The following LRRC7 variants were observed in gnomAD, a reference collection of about 807,000 sequenced individuals.
The protein encoded by LRRC7 is leucine-rich repeat-containing protein 7.
LRRC7 carries 23 observed loss-of-function variants against 175.7 expected under a neutral mutation model. The observed-to-expected ratio is 0.13, with a 90% CI of 0.09 to 0.19. The LOEUF (loss-of-function observed/expected upper bound fraction) is 0.19, where lower values mean the gene tolerates loss of function less well. Among genes scored for constraint, LRRC7 ranks in the 10% least tolerant of loss-of-function variants. The probability of loss-of-function intolerance (pLI) is 1.00; values close to 1 mark genes in which losing one functional copy is unlikely to be tolerated. For missense variants in LRRC7, 1,354 were observed against 1,904.7 expected, an observed-to-expected ratio of 0.71 and a Z score of 5.38; for synonymous variants, 685 against 680.9, an observed-to-expected ratio of 1.01 and a Z score of -0.09.
At chr1:69,786,730 C>G (rs1273438980) in intron 3 of LRRC7, among the ~76,000 whole-genome samples, 3 of 152,130 alleles carry the variant, frequency 2.0e-5, no homozygotes, top group Non-Finnish European at 1.5e-5. Flanking sequence ...ACAGGAAAGA[C>G]TATGATTTAA....
intron 8 of LRRC7, among the ~76,000 whole-genome samples, chr1:69,980,133 T>A (rs1394093439): frequency 2.6e-5 from 4 of 152,018 alleles, no homozygotes; most frequent in Non-Finnish European, 4.4e-5. Context: ...TCAGGGAGAA[T>A]GTATGTGAGT....
At chr1:70,040,609 G>A (rs1168649445) in intron 21 of LRRC7, among the ~76,000 whole-genome samples, 1 of 152,042 alleles carries the variant, frequency 6.6e-6, no homozygotes, top group African/African-American at 2.4e-5. Flanking sequence ...TCAGGAACTC[G>A]AGACCAGCCT....
At chr1:69,943,516 T>G (rs1648957181) in intron 8 of LRRC7, among the ~76,000 whole-genome samples, 1 of 152,054 alleles carries the variant, frequency 6.6e-6, no homozygotes, top group Non-Finnish European at 1.5e-5. Flanking sequence ...TAGATAGTGG[T>G]GATGGTTGAC....
intron 2 of LRRC7, among the ~76,000 whole-genome samples, chr1:69,690,614 C>T (rs541483654): frequency 2.8e-4 from 42 of 152,298 alleles, no homozygotes; most frequent in Middle Eastern, 6.8e-3. Flanking sequence ...TGCCTCTCCT[C>T]CTCTTCTTGG....
At chr1:70,070,879 A>G (rs61784282) in intron 23 of LRRC7, among the ~76,000 whole-genome samples, 14,277 of 152,214 alleles carry the variant, frequency 0.094, 859 homozygotes, top group South Asian at 0.18. Context: ...TGGAAGTCCA[A>G]GCTCCTTGTG....
intron 2 of LRRC7, among the ~76,000 whole-genome samples, chr1:69,718,661 G>A (rs1472607376): frequency 6.6e-6 from 1 of 151,748 alleles, no homozygotes; most frequent in Non-Finnish European, 1.5e-5. Context: ...GAACTTTTAG[G>A]ATCATCAATA....
At chr1:69,679,298 G>A (rs1169351223) in intron 2 of LRRC7, among the ~76,000 whole-genome samples, 5 of 152,132 alleles carry the variant, frequency 3.3e-5, no homozygotes, top group Admixed American at 6.6e-5. Context: ...CATTTTACAA[G>A]GATAAAGCTA....
At chr1:69,789,243 T>G (rs913268471) in intron 3 of LRRC7, among the ~76,000 whole-genome samples, 12 of 152,096 alleles carry the variant, frequency 7.9e-5, no homozygotes, top group African/African-American at 2.9e-4. Flanking sequence ...AACACTTTAG[T>G]ACCCAAATAT....
chr1:69,605,598 T>C (rs1647416585), intron 1 of LRRC7, among the ~76,000 whole-genome samples: 1 of 152,158 alleles, frequency 6.6e-6, no homozygotes, highest in South Asian at 2.1e-4. Context: ...ATAATCATGA[T>C]TGATGCTACT....
At chr1:69,980,937 A>G (rs1055054450) in intron 9 of LRRC7, among the ~76,000 whole-genome samples, 2 of 152,236 alleles carry the variant, frequency 1.3e-5, no homozygotes, top group Non-Finnish European at 2.9e-5. Flanking sequence ...GGCAAGGATC[A>G]TACAGTATTA....
intron 2 of LRRC7, among the ~76,000 whole-genome samples, chr1:69,746,571 T>C (rs140793799): frequency 3.0e-3 from 457 of 151,778 alleles, no homozygotes; most frequent in African/African-American, 0.011. Context: ...ATATTTGCTT[T>C]GTTTATTTAT....
chr1:69,771,168 C>T (rs751316596), intron 3 of LRRC7, among the ~76,000 whole-genome samples: 4 of 151,844 alleles, frequency 2.6e-5, no homozygotes, highest in Non-Finnish European at 5.9e-5. Flanking sequence ...TCTTTAATTG[C>T]AATTATTTTG....
chr1:69,860,427 C>A (rs1050413307), intron 7 of LRRC7, among the ~76,000 whole-genome samples: 1 of 151,734 alleles, frequency 6.6e-6, no homozygotes, highest in Non-Finnish European at 1.5e-5. Flanking sequence ...ATTGCACAAC[C>A]CTTAAAGGTG....
At chr1:69,678,550 T>A in intron 2 of LRRC7, 72 bp downstream of exon 2, 1 of 1,049,164 alleles carries the variant, frequency 9.5e-7, no homozygotes, top group Non-Finnish European at 1.4e-6. Context: ...ATGAAATGAG[T>A]GACCTTTAAA....
chr1:69,655,873 C>T (rs1656536818), intron 1 of LRRC7, among the ~76,000 whole-genome samples: 2 of 151,758 alleles, frequency 1.3e-5, no homozygotes, highest in South Asian at 2.1e-4. Flanking sequence ...TCAGTGTGGC[C>T]CAATGTTGTA....
chr1:69,683,563 A>G (rs2100624031), intron 2 of LRRC7, among the ~76,000 whole-genome samples: 1 of 152,278 alleles, frequency 6.6e-6, no homozygotes, highest in African/African-American at 2.4e-5. Context: ...CAGTGATAAG[A>G]GAAAAATATG....
At position 70,015,751 on chromosome 1, in the gene LRRC7, A is replaced by G. The variant is rs538425210; in HGVS notation, c.1251-714A>G. ...CAAGTTATACATCTTAGAAGTGCTA[A>G]TTTTTTAAAGATTACCCCTTTGAAT... is the stretch of plus-strand genomic sequence containing the variant. On this transcript the variant is annotated intron_variant, in intron 13 of 26. Coordinates refer to ENST00000651989, the MANE Select transcript of LRRC7 (RefSeq NM_001370785.2). Among the ~76,000 whole-genome samples, 126 of 152,268 alleles carry G rather than the reference A, an allele frequency of 8.3e-4. 1 individual carries two copies. Among genetic ancestry groups the G allele is most frequent in the African/African-American group, 3.0e-3 (123 of 41,562 alleles).
intron 1 of LRRC7, among the ~76,000 whole-genome samples, chr1:69,627,821 TAA>T (rs1310380566): frequency 6.7e-6 from 1 of 149,232 alleles, no homozygotes; most frequent in East Asian, 1.9e-4. Flanking sequence ...GTTTTTTATT[TAA>T]GTCTTTAATT....
At chr1:69,922,878 G>C (rs191346053) in intron 7 of LRRC7, among the ~76,000 whole-genome samples, 1 of 151,840 alleles carries the variant, frequency 6.6e-6, no homozygotes, top group Non-Finnish European at 1.5e-5. Flanking sequence ...AGTTACGTAT[G>C]TATACATACG....
Sources: allele counts gnomAD v4.1 joint callset (sites outside exome capture counted in the v4.1 genomes callset), GRCh38; gene constraint gnomAD v4.1.1; transcripts MANE v1.5; gene names NCBI Gene and HGNC (gene_info 2026-07-23, HGNC 2026-07-21).